KCTD12: variants seen among roughly 807,000 people sequenced by gnomAD.
The protein encoded by KCTD12 is BTB/POZ domain-containing protein KCTD12.
KCTD12 carries 16 observed loss-of-function variants against 22.6 expected under a neutral mutation model. That is an observed-to-expected ratio of 0.71 (90% CI 0.48 to 1.07). The LOEUF (loss-of-function observed/expected upper bound fraction) is 1.07, where lower values mean the gene tolerates loss of function less well. Among genes scored for constraint, KCTD12 ranks in the 50% least tolerant of loss-of-function variants. KCTD12 has a pLI of 0.00. For synonymous variants in KCTD12, 260 were observed against 228.0 expected (o/e 1.14, Z -1.26); for missense variants, 452 against 469.2 (o/e 0.96, Z 0.34).
Position 76,885,127 on chromosome 13 carries a change from A to G in KCTD12, c.*44T>C. The G allele has an allele frequency of 6.3e-7, 1 of 1,581,942 alleles. No individual in the cohort carries two copies. Among genetic ancestry groups the G allele is most frequent in the East Asian group, 2.2e-5 (1 of 44,466 alleles). On this transcript the variant is annotated 3_prime_UTR_variant, in exon 1 of 1. Coordinates refer to ENST00000377474, the MANE Select transcript of KCTD12 (RefSeq NM_138444.4). The surrounding 1 kb of genome is among the most constrained non-coding windows in gnomAD (Gnocchi z 5.1). ...GAGGCTCTGTAATCATCTCTCGGGC[A>G]GGAGAAGGACTGGGCGCTGGAGTGG...
chr13:76,886,023 GC>G lies in KCTD12; in HGVS notation c.125del (p.Gly42AlafsTer5). On this transcript the variant is annotated frameshift_variant, in exon 1 of 1. Coordinates refer to ENST00000377474, the MANE Select transcript of KCTD12 (RefSeq NM_138444.4). LOFTEE classifies it high-confidence loss of function. ...TGCAGCGCCGGGTCACGTACACCTGGCCCCCCACGTTCAGCTCCACGATGTC... is the reference window on the plus strand; with the variant it reads ...TGCAGCGCCGGGTCACGTACACCTGGCCCCCACGTTCAGCTCCACGATGTC... ...FPDIVELNVG[G>X]QVYVTRRCTV... The G allele has an allele frequency of 1.9e-6, 3 of 1,589,414 alleles. No homozygotes were observed. Among genetic ancestry groups the G allele is most frequent in the Non-Finnish European group, 8.5e-7 (1 of 1,172,318 alleles).
At position 76,882,764 on chromosome 13, in the gene KCTD12, A is replaced by G. The variant is rs2033218127; in HGVS notation, c.*2407T>C. 2.0e-5 allele frequency: 3 copies of G among 151,840 alleles called. No individual in the cohort carries two copies. Among genetic ancestry groups the G allele is most frequent in the Non-Finnish European group, 4.4e-5 (3 of 68,006 alleles). The allele number at this position is 151,840 out of a possible 1,614,324, so 9.4% of individuals were successfully genotyped here. ...CTTAGTCTGAGACCAAACTCAACAT[A>G]CAAGCAAGCACAACTTCCTAGATTT... On this transcript the variant is annotated 3_prime_UTR_variant, in exon 1 of 1. Coordinates refer to ENST00000377474, the MANE Select transcript of KCTD12 (RefSeq NM_138444.4).
Position 76,884,432 on chromosome 13 carries a change from T to C in KCTD12, c.*739A>G, listed in dbSNP as rs2033238146. The C allele has an allele frequency of 6.6e-6, 1 of 152,214 alleles. No homozygotes were observed. Among genetic ancestry groups the C allele is most frequent in the Non-Finnish European group, 1.5e-5 (1 of 68,036 alleles). The allele number at this position is 152,214 out of a possible 1,614,324, so 9.4% of individuals were successfully genotyped here. A position where few individuals can be genotyped will look rare whatever the true frequency, so the allele number is the denominator to read the frequency against. On this transcript the variant is annotated 3_prime_UTR_variant, in exon 1 of 1. Coordinates refer to ENST00000377474, the MANE Select transcript of KCTD12 (RefSeq NM_138444.4). ...GCGAGCAGCAGCTGAAAAGGGCGCC[T>C]CTGCAGGCAGGCGGATCACTTTCTA...
Position 76,885,466 on chromosome 13 carries a change from G to A in KCTD12, c.683C>T (p.Ala228Val), listed in dbSNP as rs765902071. 2.7e-5 allele frequency: 43 copies of A among 1,609,262 alleles called. No homozygotes were observed. The highest frequency in any genetic ancestry group is 2.0e-5 in the Non-Finnish European group (24 of 1,179,630). ...GATGCGCGCCACTCGCCGGAACTTG[G>A]CGTCCGCCTGCGCGTCCCGCCCGAT... ...YTIGRDAQAD[A>V]KFRRVARITV... The change falls in exon 1 of 1, where the codon GCC (alanine) becomes GTC (valine). Residue 228 changes from alanine (A) to valine (V), a missense_variant. Physicochemically the swap from Ala to Val is moderately conservative, Grantham distance 64. Transcript: ENST00000377474. The surrounding 1 kb of genome is among the most constrained non-coding windows in gnomAD (Gnocchi z 5.1).
rs781044533 is a variant in KCTD12 at position 76,885,155 on chromosome 13, AG to A, written c.*15del. 6.9e-6 allele frequency: 11 copies of A among 1,603,584 alleles called. No homozygotes were observed. Among genetic ancestry groups the A allele is most frequent in the Non-Finnish European group, 6.8e-6 (8 of 1,172,930 alleles). ...AGAAGGACTGGGCGCTGGAGTGGCG[AG>A]GGGGTCTGGGGAGCTCACTCCCTGC... On this transcript the variant is annotated 3_prime_UTR_variant, in exon 1 of 1. Coordinates refer to ENST00000377474, the MANE Select transcript of KCTD12 (RefSeq NM_138444.4). This position sits in a 1 kb window ranked among gnomAD's most constrained non-coding sequence, Gnocchi z 5.1.
In KCTD12 at chr13:76,884,785, G is replaced by T. The variant is rs1293995832; in HGVS notation, c.*386C>A. ...AGGAAATCTTCCGCACATTGGACAC[G>T]GTCCAATCAGGTTCTGAACAATTCA... is the stretch of plus-strand genomic sequence containing the variant. On this transcript the variant is annotated 3_prime_UTR_variant, in exon 1 of 1. Coordinates refer to ENST00000377474, the MANE Select transcript of KCTD12 (RefSeq NM_138444.4). The T allele has an allele frequency of 2.6e-5, 5 of 195,888 alleles. No homozygotes were observed. In the East Asian group the frequency reaches 5.4e-4, roughly 21 times the overall value. 12.1% of individuals were successfully genotyped at this position (195,888 alleles called of 1,614,324 possible). A position where few individuals can be genotyped will look rare whatever the true frequency, so the allele number is the denominator to read the frequency against.
rs2033243674 is a variant in KCTD12, at chr13:76,884,876, G to A, written c.*295C>T. The A allele has an allele frequency of 5.1e-6, 2 of 388,686 alleles. No individual in the cohort carries two copies. The highest frequency in any genetic ancestry group is 4.1e-5 in the African/African-American group (2 of 49,302). 24.1% of individuals were successfully genotyped at this position (388,686 alleles called of 1,614,324 possible). On this transcript the variant is annotated 3_prime_UTR_variant, in exon 1 of 1. Transcript: ENST00000377474. ...AAACTGAAGTACCATCTGGGGGAGGGGTGGTTTGAGGCAGGGAGTAGAGAA... is the reference window on the plus strand; with the variant it reads ...AAACTGAAGTACCATCTGGGGGAGGAGTGGTTTGAGGCAGGGAGTAGAGAA...
rs1478876823 is a variant in KCTD12, at chr13:76,885,485, G to A, written c.664C>T (p.Arg222Trp). The A allele has an allele frequency of 6.2e-7, 1 of 1,606,170 alleles. No homozygotes were observed. Among genetic ancestry groups the A allele is most frequent in the South Asian group, 1.1e-5 (1 of 90,436 alleles). ...IGYRGSYTIGRDAQADAKFRR... is the reference protein window; with the variant it reads ...IGYRGSYTIGWDAQADAKFRR... ...AACTTGGCGTCCGCCTGCGCGTCCCGCCCGATGGTGTAGGAGCCGCGGTAG... is the reference window on the plus strand; with the variant it reads ...AACTTGGCGTCCGCCTGCGCGTCCCACCCGATGGTGTAGGAGCCGCGGTAG... The change falls in exon 1 of 1, where the codon CGG becomes TGG. Residue 222 changes from arginine to tryptophan, a missense_variant. By Grantham distance (101) the Arg-to-Trp change is moderately radical. Coordinates refer to ENST00000377474, the MANE Select transcript of KCTD12 (RefSeq NM_138444.4). The surrounding 1 kb of genome is among the most constrained non-coding windows in gnomAD (Gnocchi z 5.1).
In KCTD12 at chr13:76,884,931, G is replaced by A. The variant is rs1264908167; in HGVS notation, c.*240C>T. 3 of 509,904 alleles carry A rather than the reference G, an allele frequency of 5.9e-6. No homozygotes were observed. The highest frequency in any genetic ancestry group is 3.9e-5 in the African/African-American group (2 of 51,892). The allele number at this position is 509,904 out of a possible 1,614,324, so 31.6% of individuals were successfully genotyped here. On this transcript the variant is annotated 3_prime_UTR_variant, in exon 1 of 1. Transcript: ENST00000377474. ...TGGAGTGGTAGGTGGGGGTGGGGTG[G>A]GGGTTCCTCTGGGTTCTCTCGGTTC... is the stretch of plus-strand genomic sequence containing the variant.
Position 76,885,697 on chromosome 13 carries a change from G to A in KCTD12, c.452C>T (p.Ser151Leu), listed in dbSNP as rs2033259891. 3 of 1,438,006 alleles carry A rather than the reference G, an allele frequency of 2.1e-6. No homozygotes were observed. The highest frequency in any genetic ancestry group is 1.5e-5 in the African/African-American group (1 of 66,862). 89.1% of individuals were successfully genotyped at this position (1,438,006 alleles called of 1,614,324 possible). ...PSRRGVHKEG[S>L]LGDELLPLGY... ...AAGCGGCAGCAGCTCGTCACCCAGC[G>A]AGCCCTCCTTGTGCACCCCGCGCCG... Residue 151 changes from serine (S) to leucine (L), a missense_variant, in exon 1 of 1, where the codon TCG (serine) becomes TTG (leucine). Physicochemically the swap from Ser to Leu is moderately radical, Grantham distance 145. Transcript: ENST00000377474. The surrounding 1 kb of genome is among the most constrained non-coding windows in gnomAD (Gnocchi z 5.1).
rs700371 is a variant in KCTD12 at position 76,886,232 on chromosome 13, A to C, written c.-84T>G. ...CAACCGCCTTCCCCGGAGCCCCGGA[A>C]CCCGGACGCTCGCTCAGCCCTGCGC... On this transcript the variant is annotated 5_prime_UTR_variant, in exon 1 of 1. Transcript: ENST00000377474. 4 of 1,365,992 alleles carry C rather than the reference A, an allele frequency of 2.9e-6. No individual in the cohort carries two copies. The highest frequency in any genetic ancestry group is 8.0e-5 in the Admixed American group (2 of 25,048). The allele number at this position is 1,365,992 out of a possible 1,614,324, so 84.6% of individuals were successfully genotyped here.
Position 76,885,687 on chromosome 13 carries a change from G to C in KCTD12, c.462C>G (p.Asp154Glu), listed in dbSNP as rs568383030. 2 of 1,445,542 alleles carry C rather than the reference G, an allele frequency of 1.4e-6. No homozygotes were observed. The highest frequency in any genetic ancestry group is 1.5e-5 in the African/African-American group (1 of 67,152). The allele number at this position is 1,445,542 out of a possible 1,614,324, so 89.5% of individuals were successfully genotyped here. The change falls in exon 1 of 1, where the codon GAC (aspartate) becomes GAG (glutamate). Residue 154 changes from aspartate (D) to glutamate (E), a missense_variant. By Grantham distance (45) the Asp-to-Glu change is conservative. Transcript: ENST00000377474. The surrounding 1 kb of genome is among the most constrained non-coding windows in gnomAD (Gnocchi z 5.1). Reference protein sequence around the residue: ...RGVHKEGSLGDELLPLGYSEP... With the variant: ...RGVHKEGSLGEELLPLGYSEP... The stretch of plus-strand genomic sequence containing the variant: ...CCGAGTAGCCAAGCGGCAGCAGCTC[G>C]TCACCCAGCGAGCCCTCCTTGTGCA...
chr13:76,885,159 G>A lies in KCTD12; in HGVS notation c.*12C>T, dbSNP rs780595938. ...GGACTGGGCGCTGGAGTGGCGAGGG[G>A]GTCTGGGGAGCTCACTCCCTGCAGA... On this transcript the variant is annotated 3_prime_UTR_variant, in exon 1 of 1. Transcript: ENST00000377474. This position sits in a 1 kb window ranked among gnomAD's most constrained non-coding sequence, Gnocchi z 5.1. The A allele has an allele frequency of 1.4e-5, 22 of 1,608,444 alleles. No homozygotes were observed. The South Asian group carries it at 2.2e-4, about 16-fold the overall frequency.
chr13:76,884,222 T>C lies in KCTD12; in HGVS notation c.*949A>G, dbSNP rs1450013776. On this transcript the variant is annotated 3_prime_UTR_variant, in exon 1 of 1. Transcript: ENST00000377474. ...AAAGGAAGGTCCTACTGACATTCAT[T>C]GAAAGAATACAGGCTTTCCTAATAC... The C allele has an allele frequency of 1.4e-5, 2 of 142,088 alleles. No homozygotes were observed. The allele number at this position is 142,088 out of a possible 1,614,324, so 8.8% of individuals were successfully genotyped here. A position where few individuals can be genotyped will look rare whatever the true frequency, so the allele number is the denominator to read the frequency against.
chr13:76,881,326 T>C lies in KCTD12; in HGVS notation c.*3845A>G, dbSNP rs1593864453. The C allele has an allele frequency of 7.6e-6, 1 of 131,904 alleles. No homozygotes were observed. Among genetic ancestry groups the C allele is most frequent in the Non-Finnish European group, 1.8e-5 (1 of 54,734 alleles). The allele number at this position is 131,904 out of a possible 1,614,324, so 8.2% of individuals were successfully genotyped here. On this transcript the variant is annotated 3_prime_UTR_variant, in exon 1 of 1. Coordinates refer to ENST00000377474, the MANE Select transcript of KCTD12 (RefSeq NM_138444.4). ...GGAATTCAACCCCTCCAGTCAATACTTTTTCTTAATGTCTGCATTGTAATT... is the reference window on the plus strand; with the variant it reads ...GGAATTCAACCCCTCCAGTCAATACCTTTTCTTAATGTCTGCATTGTAATT...
At position 76,885,888 on chromosome 13, in the gene KCTD12, G is replaced by T. The variant is rs73237446; in HGVS notation, c.261C>A (p.Phe87Leu). ...KGRFFLDRDG[F>L]LFRYILDYLR... Reference sequence around the variant, plus strand: ...GGTAATCCAGGATGTAGCGGAAGAGGAAGCCGTCCCGGTCCAGAAAGAAGC... The same window carrying T: ...GGTAATCCAGGATGTAGCGGAAGAGTAAGCCGTCCCGGTCCAGAAAGAAGC... The change falls in exon 1 of 1, where the codon TTC (phenylalanine) becomes TTA (leucine). Residue 87 changes from phenylalanine (F) to leucine (L), a missense_variant. Around this residue, in one of 2 missense-constraint regions of KCTD12, gnomAD observed 330 missense variants for 296.5 expected, o/e 1.11. Coordinates refer to ENST00000377474, the MANE Select transcript of KCTD12 (RefSeq NM_138444.4). The surrounding 1 kb of genome is among the most constrained non-coding windows in gnomAD (Gnocchi z 5.1). The T allele has an allele frequency of 1.9e-6, 3 of 1,597,094 alleles. No individual in the cohort carries two copies. In the African/African-American group the frequency reaches 4.0e-5, roughly 21 times the overall value.
At position 76,880,528 on chromosome 13, in the gene KCTD12, C is replaced by G. The variant is rs2033191417; in HGVS notation, c.*4643G>C. 6.6e-6 allele frequency: 1 copy of G among 152,280 alleles called. No individual in the cohort carries two copies. The allele number at this position is 152,280 out of a possible 1,614,324, so 9.4% of individuals were successfully genotyped here. On this transcript the variant is annotated 3_prime_UTR_variant, in exon 1 of 1. Transcript: ENST00000377474. The stretch of plus-strand genomic sequence containing the variant: ...TATGTACTATTTAAAAAATCAGAAT[C>G]CCAGATAACTCTGTGTGAATCTTAC...
In KCTD12 at chr13:76,885,258, C is replaced by G; in HGVS notation, c.891G>C (p.Thr297=). The G allele has an allele frequency of 6.2e-7, 1 of 1,614,002 alleles. No homozygotes were observed. The highest frequency in any genetic ancestry group is 8.5e-7 in the Non-Finnish European group (1 of 1,180,004). ...TGCTGCTGGCAAAGGCGCAGGTGCCCGTGGAGCTGCACGCCACCATGTGGA... is the reference window on the plus strand; with the variant it reads ...TGCTGCTGGCAAAGGCGCAGGTGCCGGTGGAGCTGCACGCCACCATGTGGA... ...SGFHMVACSS[T]GTCAFASSTD... Residue 297 remains threonine (T), a synonymous_variant, in exon 1 of 1, where the codon ACG becomes ACC. Transcript: ENST00000377474. The surrounding 1 kb of genome is among the most constrained non-coding windows in gnomAD (Gnocchi z 5.1).
At position 76,880,505 on chromosome 13, in the gene KCTD12, T is replaced by C. The variant is rs903261804; in HGVS notation, c.*4666A>G. The C allele has an allele frequency of 6.6e-5, 10 of 152,294 alleles. No homozygotes were observed. The highest frequency in any genetic ancestry group is 2.4e-4 in the African/African-American group (10 of 41,480). The allele number at this position is 152,294 out of a possible 1,614,324, so 9.4% of individuals were successfully genotyped here. The stretch of plus-strand genomic sequence containing the variant: ...ATTTAGAGAAAATGGTTTAATGATA[T>C]GTACTATTTAAAAAATCAGAATCCC... On this transcript the variant is annotated 3_prime_UTR_variant, in exon 1 of 1. Transcript: ENST00000377474.
Sources: allele counts gnomAD v4.1 joint callset, GRCh38; gene constraint gnomAD v4.1.1; regional missense constraint gnomAD v4.1.1; non-coding constraint Gnocchi (gnomAD v3.1); transcripts MANE v1.5; gene names NCBI Gene and HGNC (gene_info 2026-07-23, HGNC 2026-07-21).